Variants in CLASP2 observed in about 807,000 individuals in gnomAD.
CLASP2 encodes CLIP-associating protein 2.
A neutral mutation model predicts 194.4 loss-of-function variants in CLASP2; 47 were observed. That is an observed-to-expected ratio of 0.24 (90% CI 0.19 to 0.31). CLASP2 has a LOEUF of 0.31. CLASP2 is among the 10% of genes least tolerant of loss of function. The pLI is 1.00. For missense variants in CLASP2, 1,445 were observed against 1,823.6 expected (o/e 0.79, Z 3.78); for synonymous variants, 619 against 633.5 (o/e 0.98, Z 0.34).
chr3:33,598,625 A>G (rs1228872812), intron 18 of CLASP2, among the ~76,000 whole-genome samples: 1 of 152,196 alleles, frequency 6.6e-6, no homozygotes, highest in African/African-American at 2.4e-5. Flanking sequence ...ATAAGATGAT[A>G]AGTTCTTTCA....
At chr3:33,573,075 T>C (rs758720742) in intron 25 of CLASP2, 35 bp downstream of exon 25, 2 of 1,610,854 alleles carry the variant, frequency 1.2e-6, no homozygotes, top group East Asian at 2.2e-5. Context: ...AGCGCTAACC[T>C]GATAGTAAAA....
At chr3:33,547,746 G>T (rs1026406599) in intron 30 of CLASP2, among the ~76,000 whole-genome samples, 1 of 151,740 alleles carries the variant, frequency 6.6e-6, no homozygotes, top group Non-Finnish European at 1.5e-5. Context: ...CACCAGTGAC[G>T]CCATCTGAGC....
chr3:33,704,995 TA>T (rs1185399108), intron 1 of CLASP2, among the ~76,000 whole-genome samples: 1 of 152,086 alleles, frequency 6.6e-6, no homozygotes, highest in African/African-American at 2.4e-5. Flanking sequence ...CAGTTCCTCC[TA>T]AAGTTAAACA....
intron 18 of CLASP2, among the ~76,000 whole-genome samples, chr3:33,597,743 T>TTTTCTTTTC (rs1448365689): frequency 1.3e-5 from 2 of 149,950 alleles, no homozygotes; most frequent in African/African-American, 4.9e-5. Flanking sequence ...GCTGTATTTC[T>TTTTCTTTTC]TTTCTTTTCT....
intron 7 of CLASP2, among the ~76,000 whole-genome samples, chr3:33,645,821 C>T (rs2082172359): frequency 6.6e-6 from 1 of 151,962 alleles, no homozygotes; most frequent in Admixed American, 6.6e-5. Flanking sequence ...GCCATAGAAA[C>T]CAAACAAAAC....
At chr3:33,577,035 G>A (rs892605454) in intron 23 of CLASP2, among the ~76,000 whole-genome samples, 1 of 137,474 alleles carries the variant, frequency 7.3e-6, no homozygotes, top group Non-Finnish European at 1.5e-5. Context: ...GTTGCTAAAG[G>A]GGAAAACGTT....
chr3:33,514,821 T>C (rs898428125), intron 36 of CLASP2: 52 of 164,302 alleles, frequency 3.2e-4, no homozygotes, highest in Non-Finnish European at 6.1e-4. Flanking sequence ...TATATGTATA[T>C]ACACACACAC....
chr3:33,672,133 C>G (rs540321900), intron 6 of CLASP2, among the ~76,000 whole-genome samples: 13 of 152,372 alleles, frequency 8.5e-5, no homozygotes, highest in Admixed American at 7.8e-4. Context: ...AACGGGCAGA[C>G]TGCCTCCTCA....
intron 7 of CLASP2, among the ~76,000 whole-genome samples, chr3:33,650,293 A>G (rs972091779): frequency 2.6e-5 from 4 of 152,226 alleles, no homozygotes; most frequent in African/African-American, 7.2e-5. Context: ...AAATCAGAAG[A>G]TACCATTTAG....
At chr3:33,656,648 G>A (rs1306755527) in intron 7 of CLASP2, among the ~76,000 whole-genome samples, 1 of 152,114 alleles carries the variant, frequency 6.6e-6, no homozygotes, top group Admixed American at 6.6e-5. Flanking sequence ...ATATCTGTGT[G>A]TATATACACA....
At chr3:33,608,742 ATCTT>A in intron 13 of CLASP2, 116 bp from the exon 14 acceptor site, 2 of 300,080 alleles carry the variant, frequency 6.7e-6, no homozygotes, top group South Asian at 4.8e-5. Flanking sequence ...GTTTTTAGAT[ATCTT>A]TTTTTTTTTT....
chr3:33,581,828 C>A lies in CLASP2; in HGVS notation c.2340G>T (p.Gln780His), dbSNP rs1460799052. Residue 780 changes from glutamine (Q) to histidine (H), a missense_variant, in exon 23 of 39, where the codon CAG becomes CAT. Gln to His is a conservative substitution (Grantham distance 24). Transcript: ENST00000682230. ...SRDTSPVRSF[Q>H]PLGPGYGISQ... ...ACCTGCCCGAATACGTACCGAGGGGCTGAAAAGAGCGAACAGGACTTGTGT... is the reference window on the plus strand; with the variant it reads ...ACCTGCCCGAATACGTACCGAGGGGATGAAAAGAGCGAACAGGACTTGTGT... The A allele has an allele frequency of 2.5e-6, 4 of 1,612,274 alleles. No homozygotes were observed. The highest frequency in any genetic ancestry group is 2.2e-5 in the South Asian group (2 of 90,738).
intron 1 of CLASP2, among the ~76,000 whole-genome samples, chr3:33,717,550 C>T (rs1251143291): frequency 6.6e-6 from 1 of 152,136 alleles, no homozygotes; most frequent in Admixed American, 6.5e-5. Context: ...CCTCAGCCTC[C>T]TGGGTAGCTG....
chr3:33,663,538 G>C, intron 6 of CLASP2, 23 bp from the exon 7 acceptor site: 1 of 1,538,402 alleles, frequency 6.5e-7, no homozygotes, highest in Non-Finnish European at 9.0e-7. Context: ...AATAAATTGG[G>C]TTTGTTTGAT....
intron 1 of CLASP2, among the ~76,000 whole-genome samples, chr3:33,702,267 A>G (rs1023515245): frequency 2.0e-5 from 3 of 152,178 alleles, no homozygotes; most frequent in Non-Finnish European, 4.4e-5. Context: ...ACAGTGTGAC[A>G]ATGGCACAAG....
At chr3:33,602,050 G>A (rs2072381673) in intron 18 of CLASP2, among the ~76,000 whole-genome samples, 1 of 140,486 alleles carries the variant, frequency 7.1e-6, no homozygotes, top group Admixed American at 7.5e-5. Context: ...GTCTCACTCT[G>A]TCGCCCAGGC....
chr3:33,694,545 G>A (rs2091675638), intron 2 of CLASP2, among the ~76,000 whole-genome samples: 1 of 152,196 alleles, frequency 6.6e-6, no homozygotes. Flanking sequence ...GCCAGTTTAA[G>A]AAGTGCAGTA....
At chr3:33,540,083 C>T (rs1209056830) in intron 32 of CLASP2, among the ~76,000 whole-genome samples, 1 of 151,876 alleles carries the variant, frequency 6.6e-6, no homozygotes, top group African/African-American at 2.4e-5. Context: ...CTCCTGCCAC[C>T]ACATCAGGCT....
chr3:33,676,213 T>C (rs1347641504), intron 6 of CLASP2, among the ~76,000 whole-genome samples: 1 of 149,670 alleles, frequency 6.7e-6, no homozygotes, highest in Non-Finnish European at 1.5e-5. Context: ...CAAAACAGCA[T>C]GGTACTGGTA....
Sources: gnomAD v4.1 joint callset for allele counts (sites outside exome capture counted in the v4.1 genomes callset) on GRCh38, gnomAD v4.1.1 for gene constraint, MANE v1.5 for transcripts, NCBI Gene and HGNC (gene_info 2026-07-23, HGNC 2026-07-21) for gene names.